The following DOCK3 variants were observed in gnomAD, a reference collection of about 807,000 sequenced individuals.
The protein encoded by DOCK3 is dedicator of cytokinesis protein 3.
Under a neutral mutation model 265.6 loss-of-function variants are expected in DOCK3, and 60 were observed. The ratio of observed to expected loss-of-function variants is 0.23; its 90% CI spans 0.18 to 0.28. The LOEUF (loss-of-function observed/expected upper bound fraction) is 0.28. Among genes scored for constraint, DOCK3 ranks in the 10% least tolerant of loss-of-function variants. DOCK3 has a pLI of 1.00. For missense variants in DOCK3, 1,981 were observed against 2,594.3 expected, an observed-to-expected ratio of 0.76 and a Z score of 5.14; for synonymous variants, 881 against 938.0, an observed-to-expected ratio of 0.94 and a Z score of 1.11.
chr3:51,186,059 G>A (rs1336907919), intron 12 of DOCK3, among the ~76,000 whole-genome samples: 1 of 152,192 alleles, frequency 6.6e-6, no homozygotes, highest in Non-Finnish European at 1.5e-5. Flanking sequence ...CTGGGTAACA[G>A]GCAGAGGAAC....
Position 50,911,063 on chromosome 3 carries a change from C to A in DOCK3, c.218+20982C>A, listed in dbSNP as rs1040723340. Among the ~76,000 whole-genome samples the A allele has an allele frequency of 2.8e-4, 43 of 151,892 alleles. 2 individuals are homozygous for A. The highest frequency in any genetic ancestry group is 1.0e-3 in the African/African-American group (42 of 41,326). ...TCATTATATATGGTGGTTATTAATCCTTTGTCACATGAATAGTTCGCAAAT... is the reference window on the plus strand; with the variant it reads ...TCATTATATATGGTGGTTATTAATCATTTGTCACATGAATAGTTCGCAAAT... On this transcript the variant is annotated intron_variant, in intron 4 of 52. Coordinates refer to ENST00000266037, the MANE Select transcript of DOCK3 (RefSeq NM_004947.5).
At chr3:50,980,352 A>G (rs948989144) in intron 5 of DOCK3, among the ~76,000 whole-genome samples, 6 of 152,046 alleles carry the variant, frequency 3.9e-5, no homozygotes, top group Non-Finnish European at 8.8e-5. Context: ...TGTTGCATAC[A>G]GTTTGCTAGT....
chr3:51,048,996 C>G (rs995407364), intron 5 of DOCK3, among the ~76,000 whole-genome samples: 1 of 152,134 alleles, frequency 6.6e-6, no homozygotes, highest in Non-Finnish European at 1.5e-5. Context: ...CAGTAGCAGG[C>G]TTTCGGTCTC....
intron 5 of DOCK3, among the ~76,000 whole-genome samples, chr3:50,948,566 CT>C (rs966469486): frequency 2.0e-5 from 3 of 151,544 alleles, no homozygotes; most frequent in African/African-American, 7.3e-5. Context: ...CTTTTCTTTT[CT>C]TTTCTCTTCT....
chr3:51,341,480 G>A, intron 38 of DOCK3, 95 bp downstream of exon 38: 1 of 1,539,466 alleles, frequency 6.5e-7, no homozygotes. Context: ...GCAGGGGGTA[G>A]TGTGTGGGGT....
At chr3:51,047,621 T>C (rs2080829926) in intron 5 of DOCK3, among the ~76,000 whole-genome samples, 1 of 152,098 alleles carries the variant, frequency 6.6e-6, no homozygotes, top group Non-Finnish European at 1.5e-5. Context: ...AATAATTATA[T>C]GCCAGTAAAT....
chr3:50,772,643 T>C (rs1262385538), intron 1 of DOCK3, among the ~76,000 whole-genome samples: 1 of 152,218 alleles, frequency 6.6e-6, no homozygotes, highest in Admixed American at 6.5e-5. Flanking sequence ...TTATATGTGC[T>C]ACGATTATTC....
chr3:50,989,240 C>G (rs530426669), intron 5 of DOCK3, among the ~76,000 whole-genome samples: 1 of 152,106 alleles, frequency 6.6e-6, no homozygotes, highest in Non-Finnish European at 1.5e-5. Context: ...CCAGGAGACA[C>G]GCAGATGACC....
At chr3:51,370,926 G>A (rs1449913837) in intron 49 of DOCK3, among the ~76,000 whole-genome samples, 1 of 152,168 alleles carries the variant, frequency 6.6e-6, no homozygotes, top group Non-Finnish European at 1.5e-5. Flanking sequence ...GGGTGCGACT[G>A]GGGCTGTCAA....
chr3:50,800,256 G>A (rs2043002836), intron 2 of DOCK3, among the ~76,000 whole-genome samples: 1 of 152,196 alleles, frequency 6.6e-6, no homozygotes, highest in African/African-American at 2.4e-5. Context: ...AGTAGTTTGA[G>A]AAGACTTGGT....
intron 5 of DOCK3, among the ~76,000 whole-genome samples, chr3:50,983,252 T>G (rs930364752): frequency 6.6e-6 from 1 of 151,958 alleles, no homozygotes; most frequent in Non-Finnish European, 1.5e-5. Context: ...GCAGTCTCAG[T>G]GCTATGATGA....
intron 32 of DOCK3, among the ~76,000 whole-genome samples, chr3:51,324,664 C>G (rs1170455919): frequency 1.3e-5 from 2 of 152,186 alleles, no homozygotes; most frequent in Non-Finnish European, 2.9e-5. Flanking sequence ...TGACTTCAAA[C>G]TATACTACAA....
At chr3:51,211,284 A>G (rs1305583065) in intron 13 of DOCK3, among the ~76,000 whole-genome samples, 2 of 152,134 alleles carry the variant, frequency 1.3e-5, no homozygotes, top group African/African-American at 4.8e-5. Context: ...TCAGTAAGAA[A>G]ATGGTTTTCT....
intron 3 of DOCK3, among the ~76,000 whole-genome samples, chr3:50,854,833 A>G (rs1311936408): frequency 2.0e-5 from 3 of 151,970 alleles, no homozygotes; most frequent in African/African-American, 2.4e-5. Flanking sequence ...TCTATTCAGT[A>G]TCATTCTTCT....
At chr3:50,760,843 G>A (rs148996405) in intron 1 of DOCK3, among the ~76,000 whole-genome samples, 4 of 150,844 alleles carry the variant, frequency 2.7e-5, no homozygotes, top group African/African-American at 7.3e-5. Flanking sequence ...GTGCAATGGC[G>A]TGATCTCGGC....
chr3:50,810,717 A>G (rs764902509), intron 2 of DOCK3, among the ~76,000 whole-genome samples: 4 of 152,188 alleles, frequency 2.6e-5, no homozygotes, highest in African/African-American at 7.2e-5. Context: ...AAAGAGCCCA[A>G]ATAGAATTTT....
chr3:50,841,979 G>C (rs2045865246), intron 3 of DOCK3, among the ~76,000 whole-genome samples: 1 of 151,816 alleles, frequency 6.6e-6, no homozygotes, highest in African/African-American at 2.4e-5. Context: ...TTTTCTTTAA[G>C]GTATTTGACA....
intron 5 of DOCK3, among the ~76,000 whole-genome samples, chr3:51,059,278 A>G (rs969387198): frequency 6.6e-6 from 1 of 152,074 alleles, no homozygotes; most frequent in African/African-American, 2.4e-5. Context: ...GGCCCTTATA[A>G]CCTAATTATC....
chr3:50,722,889 A>G (rs552048456), intron 1 of DOCK3, among the ~76,000 whole-genome samples: 19 of 149,924 alleles, frequency 1.3e-4, no homozygotes, highest in African/African-American at 4.4e-4. Flanking sequence ...CTCCCCACTC[A>G]GCCTCCCAAG....
Sources: allele counts gnomAD v4.1 joint callset (sites outside exome capture counted in the v4.1 genomes callset), GRCh38; gene constraint gnomAD v4.1.1; transcripts MANE v1.5; gene names NCBI Gene and HGNC (gene_info 2026-07-23, HGNC 2026-07-21).